Variants in DNAH6 observed in about 807,000 individuals in gnomAD.
DNAH6 encodes axonemal beta dynein heavy chain 6.
DNAH6 carries 340 observed loss-of-function variants against 491.4 expected under a neutral mutation model. That is an observed-to-expected ratio of 0.69 (90% CI 0.63 to 0.76). The LOEUF is 0.76. Among genes scored for constraint, DNAH6 ranks in the 30% least tolerant of loss-of-function variants. The pLI, the probability that DNAH6 is intolerant of heterozygous loss-of-function variation, is 0.00. For synonymous variants in DNAH6, 1,603 were observed against 1,686.1 expected (o/e 0.95, Z 1.21); for missense variants, 4,443 against 4,972.2 (o/e 0.89, Z 3.20).
intron 62 of DNAH6, among the ~76,000 whole-genome samples, chr2:84,737,548 A>G (rs1019966472): frequency 4.0e-5 from 6 of 151,744 alleles, no homozygotes; most frequent in Non-Finnish European, 7.4e-5. Flanking sequence ...TTTCGGGTTC[A>G]ATCTTGGGAG....
chr2:84,515,072 G>T (rs1675501717), upstream of DNAH6, among the ~76,000 whole-genome samples: 1 of 152,176 alleles, frequency 6.6e-6, no homozygotes, highest in Admixed American at 6.5e-5. Flanking sequence ...AATCTATTCT[G>T]AGGATGTGTC....
chr2:84,672,220 T>G, intron 39 of DNAH6, 107 bp from the exon 40 acceptor site: 1 of 1,164,876 alleles, frequency 8.6e-7, no homozygotes, highest in Non-Finnish European at 1.2e-6. Flanking sequence ...ACTGAGCTCT[T>G]TATGACCTGT....
Position 84,819,464 on chromosome 2 carries a change from A to G in DNAH6, c.*56A>G. 8.6e-7 allele frequency: 1 copy of G among 1,163,574 alleles called. No individual in the cohort carries two copies. Among genetic ancestry groups the G allele is most frequent in the Non-Finnish European group, 1.2e-6 (1 of 814,118 alleles). 72.1% of individuals were successfully genotyped at this position (1,163,574 alleles called of 1,614,324 possible). ...CAGGCCAGAGATCTTTCCTAATGGG[A>G]GCAAAAGGTTTGAATAATTTATATG... On this transcript the variant is annotated 3_prime_UTR_variant, in exon 77 of 77. Transcript: ENST00000389394.
chr2:84,579,768 C>A, intron 14 of DNAH6, 89 bp downstream of exon 14: 2 of 1,095,536 alleles, frequency 1.8e-6, no homozygotes, highest in Non-Finnish European at 2.5e-6. Context: ...GACTAAGGGG[C>A]AAAAGACAGC....
At chr2:84,576,121 G>A (rs770709794) in intron 12 of DNAH6, among the ~76,000 whole-genome samples, 6 of 152,144 alleles carry the variant, frequency 3.9e-5, no homozygotes, top group South Asian at 2.1e-4. Context: ...ACTAAACAGC[G>A]CAGCATTATA....
rs1191784105 is a variant in DNAH6, at chr2:84,781,544, G to A, written c.10755G>A (p.Met3585Ile). ...GACAAGGACCTATTGCTGAAAAAAT[G>A]GTCAAGGATGCAATGAAATCAGGAA... The part of the protein sequence containing the change: ...GQGQGPIAEK[M>I]VKDAMKSGNW... The change falls in exon 65 of 77, where the codon ATG becomes ATA. Residue 3585 changes from methionine to isoleucine, a missense_variant. Met to Ile is a conservative substitution (Grantham distance 10). Around this residue, in one of 3 missense-constraint regions of DNAH6, gnomAD observed 1,463 missense variants for 1,656.6 expected, o/e 0.88. Coordinates refer to ENST00000389394, the MANE Select transcript of DNAH6 (RefSeq NM_001370.2). The A allele has an allele frequency of 6.4e-7, 1 of 1,551,586 alleles. No individual in the cohort carries two copies. The highest frequency in any genetic ancestry group is 2.4e-5 in the East Asian group (1 of 40,914).
chr2:84,773,854 T>G (rs2105188862), intron 64 of DNAH6, among the ~76,000 whole-genome samples: 1 of 152,268 alleles, frequency 6.6e-6, no homozygotes, highest in African/African-American at 2.4e-5. Flanking sequence ...TTGAGAATTT[T>G]TATATGTTTT....
intron 70 of DNAH6, among the ~76,000 whole-genome samples, chr2:84,799,884 G>T (rs756116798): frequency 1.3e-5 from 2 of 152,172 alleles, no homozygotes; most frequent in African/African-American, 2.4e-5. Flanking sequence ...TCCTGTTGGG[G>T]CCTGGTAAGT....
chr2:84,767,934 TTGAC>T (rs1396106897), intron 64 of DNAH6, among the ~76,000 whole-genome samples: 1 of 152,162 alleles, frequency 6.6e-6, no homozygotes, highest in Non-Finnish European at 1.5e-5. Context: ...AAATATGCCA[TTGAC>T]TGATTTCTCT....
chr2:84,560,819 A>G (rs1456132498), intron 11 of DNAH6, among the ~76,000 whole-genome samples: 1 of 152,092 alleles, frequency 6.6e-6, no homozygotes, highest in East Asian at 1.9e-4. Flanking sequence ...ATAGTATTCC[A>G]TGGTGTATAT....
At chr2:84,597,692 A>C (rs1461115890) in intron 18 of DNAH6, among the ~76,000 whole-genome samples, 1 of 152,244 alleles carries the variant, frequency 6.6e-6, no homozygotes, top group Non-Finnish European at 1.5e-5. Context: ...ATAATAGCCA[A>C]AAGTAGGGGA....
At chr2:84,683,201 C>G (rs778703723) in intron 42 of DNAH6, among the ~76,000 whole-genome samples, 5 of 152,124 alleles carry the variant, frequency 3.3e-5, no homozygotes, top group Admixed American at 6.6e-5. Flanking sequence ...ATCTGTCTCT[C>G]CCATTAGGAC....
the DNAH6 span, among the ~76,000 whole-genome samples, chr2:84,488,197 G>C: frequency 6.6e-6 from 1 of 152,166 alleles, no homozygotes; most frequent in Non-Finnish European, 1.5e-5. Flanking sequence ...GTTTTCTACA[G>C]TGGGAGTAAC....
chr2:84,692,442 TAGATAGA>T (rs1694956566), intron 45 of DNAH6, among the ~76,000 whole-genome samples: 1 of 148,452 alleles, frequency 6.7e-6, no homozygotes, highest in African/African-American at 2.6e-5. Flanking sequence ...GATAGATAGA[TAGATAGA>T]TAGATAGATA....
the DNAH6 span, among the ~76,000 whole-genome samples, chr2:84,471,760 A>G: frequency 1.3e-5 from 2 of 152,178 alleles, no homozygotes; most frequent in Non-Finnish European, 2.9e-5. Flanking sequence ...ACGTTAGTAA[A>G]TCTACTGAAA....
intron 19 of DNAH6, among the ~76,000 whole-genome samples, chr2:84,605,076 G>A (rs561399811): frequency 6.6e-6 from 1 of 152,264 alleles, no homozygotes; most frequent in East Asian, 1.9e-4. Context: ...GGCCAGGCGT[G>A]GTGGCTCATG....
At chr2:84,580,963 TC>T (rs755914114) in intron 14 of DNAH6, among the ~76,000 whole-genome samples, 2 of 152,284 alleles carry the variant, frequency 1.3e-5, no homozygotes, top group Non-Finnish European at 2.9e-5. Flanking sequence ...GCTTCACTTC[TC>T]TCCCTCTGCA....
chr2:84,724,759 C>T (rs966433211), intron 60 of DNAH6, among the ~76,000 whole-genome samples: 2 of 152,130 alleles, frequency 1.3e-5, no homozygotes, highest in African/African-American at 4.8e-5. Flanking sequence ...TACAGGGCAA[C>T]TGGGTTCCAA....
At chr2:84,593,340 C>G (rs1052014782) in intron 16 of DNAH6, among the ~76,000 whole-genome samples, 2 of 152,108 alleles carry the variant, frequency 1.3e-5, no homozygotes, top group Non-Finnish European at 2.9e-5. Flanking sequence ...AGACTAAATT[C>G]CTAATGTCAA....
Sources: gnomAD v4.1 joint callset for allele counts (sites outside exome capture counted in the v4.1 genomes callset) on GRCh38, gnomAD v4.1.1 for gene constraint, gnomAD v4.1.1 regional missense constraint, MANE v1.5 for transcripts, NCBI Gene and HGNC (gene_info 2026-07-23, HGNC 2026-07-21) for gene names.